TRIP12: variants seen among roughly 807,000 people sequenced by gnomAD.
TRIP12 encodes E3 ubiquitin-protein ligase TRIP12.
A neutral mutation model predicts 244.2 loss-of-function variants in TRIP12; 25 were observed. The ratio of observed to expected loss-of-function variants is 0.10; its 90% confidence interval spans 0.07 to 0.14. TRIP12 has a LOEUF of 0.14. Among genes scored for constraint, TRIP12 ranks in the 10% least tolerant of loss-of-function variants. The pLI is 1.00. For missense variants in TRIP12, 1,677 were observed against 2,486.4 expected, an observed-to-expected ratio of 0.67 and a Z score of 6.92; for synonymous variants, 905 against 873.1, an observed-to-expected ratio of 1.04 and a Z score of -0.64.
At chr2:229,774,661 T>C (rs1209149494) in intron 37 of TRIP12, among the ~76,000 whole-genome samples, 1 of 152,108 alleles carries the variant, frequency 6.6e-6, no homozygotes, top group African/African-American at 2.4e-5. Context: ...ATACTAATAA[T>C]ACAGTTGGGA....
Position 229,859,450 on chromosome 2 carries a change from T to A in TRIP12, c.349A>T (p.Ser117Cys). The change falls in exon 4 of 42, where the codon AGT (serine) becomes TGT (cysteine). Residue 117 changes from serine to cysteine, a missense_variant. Around this residue, in one of 11 missense-constraint regions of TRIP12, gnomAD observed 387 missense variants for 392.6 expected, o/e 0.99. Coordinates refer to ENST00000675903, the MANE Select transcript of TRIP12 (RefSeq NM_001348323.3). ...GTCCTGTTGTAGTCTGGACTAGCACTGCGCTTCACTCCTCGAGAATTGTCT... is the reference window on the plus strand; with the variant it reads ...GTCCTGTTGTAGTCTGGACTAGCACAGCGCTTCACTCCTCGAGAATTGTCT... ...KKDNSRGVKRSASPDYNRTNS... is the reference protein window; with the variant it reads ...KKDNSRGVKRCASPDYNRTNS... 1 of 1,614,224 alleles carries A rather than the reference T, an allele frequency of 6.2e-7. No homozygotes were observed. Among genetic ancestry groups the A allele is most frequent in the Non-Finnish European group, 8.5e-7 (1 of 1,180,032 alleles).
At chr2:229,833,173 T>G (rs2053889462) in intron 6 of TRIP12, among the ~76,000 whole-genome samples, 1 of 152,242 alleles carries the variant, frequency 6.6e-6, no homozygotes, top group Non-Finnish European at 1.5e-5. Context: ...CAAACTGCAC[T>G]GCCACAAAGA....
chr2:229,813,781 T>C (rs545112819), intron 13 of TRIP12, 89 bp downstream of exon 13: 5 of 974,146 alleles, frequency 5.1e-6, no homozygotes, highest in East Asian at 8.4e-5. Context: ...GAGACTCCCA[T>C]CTCAAAAAAA....
At chr2:229,799,936 A>G (rs544051333) in intron 21 of TRIP12, among the ~76,000 whole-genome samples, 9 of 152,370 alleles carry the variant, frequency 5.9e-5, no homozygotes, top group African/African-American at 2.2e-4. Flanking sequence ...ATAAAGCCAG[A>G]TAAGATGACT....
intron 1 of TRIP12, among the ~76,000 whole-genome samples, chr2:229,903,758 G>A (rs1309757505): frequency 6.6e-6 from 1 of 151,626 alleles, no homozygotes; most frequent in African/African-American, 2.4e-5. Context: ...CTCATTACCT[G>A]TAATCCCAGC....
At position 229,798,958 on chromosome 2, in the gene TRIP12, G is replaced by C; in HGVS notation, c.3399C>G (p.Asn1133Lys). 6.2e-7 allele frequency: 1 copy of C among 1,614,220 alleles called. No homozygotes were observed. The highest frequency in any genetic ancestry group is 2.2e-5 in the East Asian group (1 of 44,890). Reference sequence around the variant, plus strand: ...TCCGTGCTGGCTCAATGTTGTTGCTGTTGGACTGTGTACTTAACCTTCCCC... The same window carrying C: ...TCCGTGCTGGCTCAATGTTGTTGCTCTTGGACTGTGTACTTAACCTTCCCC... ...KTWGRLSTQSNSNNIEPARTA... is the reference protein window; with the variant it reads ...KTWGRLSTQSKSNNIEPARTA... Residue 1133 changes from asparagine to lysine, a missense_variant, in exon 23 of 42, where the codon AAC becomes AAG. This residue lies in a region of TRIP12 where 572 missense variants were observed against 867.8 expected (regional missense o/e 0.66). Coordinates refer to ENST00000675903, the MANE Select transcript of TRIP12 (RefSeq NM_001348323.3).
At chr2:229,883,512 T>A (rs890326068) in intron 1 of TRIP12, among the ~76,000 whole-genome samples, 6 of 152,238 alleles carry the variant, frequency 3.9e-5, no homozygotes, top group Non-Finnish European at 7.3e-5. Flanking sequence ...TAACTCCTAG[T>A]GTGAAACTAG....
chr2:229,768,641 A>T lies in TRIP12; in HGVS notation c.5982T>A (p.Thr1994=), dbSNP rs1002385028. 2.5e-6 allele frequency: 4 copies of T among 1,612,374 alleles called. No homozygotes were observed. The African/African-American group carries it at 4.0e-5, about 16-fold the overall frequency. The change falls in exon 41 of 42, where the codon ACT becomes ACA. Residue 1994 remains threonine, a synonymous_variant. Transcript: ENST00000675903. ...EQQRLFLQFV[T]GSPRLPVGGF... is the part of the protein sequence containing the mutation. ...CTCCAACAGGCAATCTTGGGCTACC[A>T]GTCACAAACTGGAGAAATAACCTCT...
intron 8 of TRIP12, among the ~76,000 whole-genome samples, chr2:229,825,384 T>A (rs932764156): frequency 6.6e-6 from 1 of 152,160 alleles, no homozygotes; most frequent in African/African-American, 2.4e-5. Flanking sequence ...ACCAAGGATC[T>A]ATGGGGAAAT....
At chr2:229,921,840 C>G (rs1396925996) in intron 1 of TRIP12, 40 bp downstream of exon 1, 1 of 138,528 alleles carries the variant, frequency 7.2e-6, no homozygotes, top group East Asian at 2.5e-4. Context: ...CCCCCTCCCC[C>G]AAGGCTTGCC....
In TRIP12 at chr2:229,787,526, T is replaced by C. The variant is rs1394196754; in HGVS notation, c.4974A>G (p.Ala1658=). The C allele has an allele frequency of 6.2e-7, 1 of 1,612,566 alleles. No homozygotes were observed. Among genetic ancestry groups the C allele is most frequent in the Non-Finnish European group, 8.5e-7 (1 of 1,179,552 alleles). Residue 1658 remains alanine (A), a synonymous_variant, in exon 33 of 42, where the codon GCA becomes GCG. Coordinates refer to ENST00000675903, the MANE Select transcript of TRIP12 (RefSeq NM_001348323.3). ...NQSDSQDSRV[A]PRLDRKKRTV... The stretch of plus-strand genomic sequence containing the variant: ...TTACTTTTTTTCTATCCAATCTAGG[T>C]GCAACTCTGCTATCTTGAGAATCAG...
intron 38 of TRIP12, 54 bp downstream of exon 38, chr2:229,774,043 G>T: frequency 6.4e-7 from 1 of 1,569,744 alleles, no homozygotes; most frequent in Middle Eastern, 1.7e-4. Context: ...GTACAATCAG[G>T]CAAAGTCCTC....
At chr2:229,847,662 CCA>C (rs2057847778) in intron 4 of TRIP12, among the ~76,000 whole-genome samples, 1 of 152,138 alleles carries the variant, frequency 6.6e-6, no homozygotes, top group Admixed American at 6.5e-5. Flanking sequence ...CAAACTGACA[CCA>C]GAGAAACCCA....
chr2:229,789,637 T>C lies in TRIP12; in HGVS notation c.4669A>G (p.Ser1557Gly), dbSNP rs1215716304. The change falls in exon 31 of 42, where the codon AGT becomes GGT. Residue 1557 changes from serine (S) to glycine (G), a missense_variant. Physicochemically the swap from Ser to Gly is moderately conservative, Grantham distance 56. This residue lies in a region of TRIP12 where 265 missense variants were observed against 370.8 expected (regional missense o/e 0.71). Transcript: ENST00000675903. ...TCATACAAGTAATACCAGTATCGAC[T>C]GATAGCATGTAAAACTCTTAAAAGA... is the stretch of plus-strand genomic sequence containing the variant. ...ILLLRVLHAI[S>G]RYWYYLYDNA... 6.2e-7 allele frequency: 1 copy of C among 1,613,994 alleles called. No individual in the cohort carries two copies.
At position 229,916,013 on chromosome 2, in the gene TRIP12, T is replaced by C. The variant is rs578008678; in HGVS notation, c.-50+5867A>G. On this transcript the variant is annotated intron_variant, in intron 1 of 41. Transcript: ENST00000675903. ...TCAAATGTTTCAAGTAGGATACCTA[T>C]GCATATAACAGAGGTATGTTCGAGT... Among the ~76,000 whole-genome samples the C allele has an allele frequency of 2.1e-4, 32 of 152,340 alleles. 1 individual carries two copies. The highest frequency in any genetic ancestry group is 5.8e-4 in the East Asian group (3 of 5,184).
intron 1 of TRIP12, among the ~76,000 whole-genome samples, chr2:229,892,740 T>A (rs1040675305): frequency 6.6e-6 from 1 of 151,906 alleles, no homozygotes; most frequent in African/African-American, 2.4e-5. Flanking sequence ...GTAGTGCGCA[T>A]CTCTAGTCCC....
intron 34 of TRIP12, among the ~76,000 whole-genome samples, chr2:229,779,915 T>C (rs1157429511): frequency 6.6e-6 from 1 of 152,188 alleles, no homozygotes; most frequent in African/African-American, 2.4e-5. Flanking sequence ...GATCAGACCA[T>C]AAACAAAGAT....
intron 8 of TRIP12, among the ~76,000 whole-genome samples, chr2:229,820,471 T>C (rs1388735358): frequency 2.6e-5 from 4 of 152,188 alleles, no homozygotes; most frequent in Non-Finnish European, 5.9e-5. Context: ...AATCATTTTA[T>C]ACTCTTAAAA....
At chr2:229,852,710 C>T (rs1175677222) in intron 4 of TRIP12, among the ~76,000 whole-genome samples, 1 of 152,180 alleles carries the variant, frequency 6.6e-6, no homozygotes, top group Non-Finnish European at 1.5e-5. Context: ...AGCAATGCTT[C>T]AGGAAGTCTA....
Sources: allele counts gnomAD v4.1 joint callset (sites outside exome capture counted in the v4.1 genomes callset), GRCh38; gene constraint gnomAD v4.1.1; regional missense constraint gnomAD v4.1.1; transcripts MANE v1.5; gene names NCBI Gene and HGNC (gene_info 2026-07-23, HGNC 2026-07-21).